Variants in NUBPL observed in about 807,000 individuals in gnomAD.
NUBPL encodes the protein iron-sulfur cluster transfer protein NUBPL.
NUBPL carries 31 observed loss-of-function variants against 45.7 expected under a neutral mutation model. The observed-to-expected ratio is 0.68, with a 90% CI of 0.51 to 0.92. The LOEUF (loss-of-function observed/expected upper bound fraction) is 0.92. Ranked by LOEUF, NUBPL falls within the 40% of genes least tolerant of loss-of-function variation. The pLI is 0.00. For missense variants in NUBPL, 401 were observed against 398.7 expected (o/e 1.01, Z -0.05); for synonymous variants, 144 against 140.9 (o/e 1.02, Z -0.15).
chr14:31,584,409 G>A (rs1279474490), intron 3 of NUBPL, among the ~76,000 whole-genome samples: 1 of 152,180 alleles, frequency 6.6e-6, no homozygotes, highest in East Asian at 1.9e-4. Context: ...ATAGGCATGA[G>A]CCATTGCACC....
intron 4 of NUBPL, among the ~76,000 whole-genome samples, chr14:31,658,800 C>G (rs1017382574): frequency 8.5e-5 from 13 of 152,198 alleles, no homozygotes; most frequent in African/African-American, 3.1e-4. Flanking sequence ...GTGTGCGCCA[C>G]TGTGCCTCCT....
chr14:31,606,099 C>CTTTTCT (rs568092264), intron 4 of NUBPL, among the ~76,000 whole-genome samples: 14 of 120,518 alleles, frequency 1.2e-4, no homozygotes, highest in African/African-American at 2.1e-4. Context: ...CTTTTCTTTT[C>CTTTTCT]TTTTTTTTTT....
chr14:31,707,598 C>G lies in NUBPL; in HGVS notation c.513+34024C>G, dbSNP rs575817024. ...GCAAACGCTGATGATTCCAGGGAAC[C>G]CTTGCAACTGTTTTAATGTCTTAGG... On this transcript the variant is annotated intron_variant, in intron 6 of 10. Transcript: ENST00000281081. Among the ~76,000 whole-genome samples the G allele has an allele frequency of 1.0e-3, 159 of 152,204 alleles. 1 individual carries two copies. The highest frequency in any genetic ancestry group is 3.7e-3 in the African/African-American group (153 of 41,538).
At chr14:31,757,524 A>G (rs2038696619) in intron 6 of NUBPL, among the ~76,000 whole-genome samples, 2 of 152,202 alleles carry the variant, frequency 1.3e-5, no homozygotes, top group African/African-American at 4.8e-5. Flanking sequence ...GGTAGTTTGT[A>G]TTTCTGTGGG....
intron 4 of NUBPL, among the ~76,000 whole-genome samples, chr14:31,627,730 C>T (rs538356300): frequency 6.5e-4 from 93 of 142,576 alleles, no homozygotes; most frequent in South Asian, 4.0e-3. Context: ...CGTGCCACTG[C>T]ACTCCAGCCT....
At chr14:31,806,932 C>T (rs947284758) in intron 7 of NUBPL, among the ~76,000 whole-genome samples, 11 of 152,164 alleles carry the variant, frequency 7.2e-5, no homozygotes, top group African/African-American at 1.7e-4. Flanking sequence ...TCATCCATGT[C>T]GCTACACAGG....
At chr14:31,703,243 T>A (rs1193797574) in intron 6 of NUBPL, 1 of 152,310 alleles carries the variant, frequency 6.6e-6, no homozygotes, top group Admixed American at 6.5e-5. Flanking sequence ...CTTTATAAAC[T>A]GGCATCTCGT....
intron 6 of NUBPL, among the ~76,000 whole-genome samples, chr14:31,679,157 G>A (rs1379393026): frequency 1.3e-5 from 2 of 152,314 alleles, no homozygotes. Flanking sequence ...CAGCTCTTGG[G>A]TGATGGGGAA....
chr14:31,645,163 T>G (rs2035810814), intron 4 of NUBPL, among the ~76,000 whole-genome samples: 1 of 151,950 alleles, frequency 6.6e-6, no homozygotes, highest in Non-Finnish European at 1.5e-5. Context: ...CCTCCCGGGT[T>G]CACGCCATTC....
intron 3 of NUBPL, among the ~76,000 whole-genome samples, chr14:31,579,073 C>CT (rs1345647609): frequency 6.6e-6 from 1 of 152,144 alleles, no homozygotes; most frequent in Non-Finnish European, 1.5e-5. Context: ...TGCTGTTTCA[C>CT]TTTTTTCTGA....
intron 4 of NUBPL, among the ~76,000 whole-genome samples, chr14:31,639,328 G>C (rs1006645905): frequency 5.3e-5 from 8 of 152,152 alleles, no homozygotes; most frequent in African/African-American, 1.9e-4. Flanking sequence ...CAGGTCTGTT[G>C]GAGTTTGCTA....
At chr14:31,697,922 T>A (rs1380519177) in intron 6 of NUBPL, among the ~76,000 whole-genome samples, 1 of 152,056 alleles carries the variant, frequency 6.6e-6, no homozygotes, top group Non-Finnish European at 1.5e-5. Flanking sequence ...GATCATGGGA[T>A]CAGAGTCAGA....
intron 6 of NUBPL, among the ~76,000 whole-genome samples, chr14:31,683,647 G>A (rs778415089): frequency 7.9e-5 from 12 of 152,060 alleles, no homozygotes; most frequent in Admixed American, 6.5e-4. Flanking sequence ...CACCGCGCCC[G>A]GCTGCCAAAA....
intron 4 of NUBPL, among the ~76,000 whole-genome samples, chr14:31,610,199 TAAAC>T (rs201667646): frequency 0.011 from 1,643 of 151,816 alleles, 31 homozygotes; most frequent in African/African-American, 0.036. Flanking sequence ...AGATTAAAAA[TAAAC>T]AAAATCAGAA....
intron 1 of NUBPL, 166 bp downstream of exon 1, chr14:31,561,713 G>A (rs1188574855): frequency 5.4e-6 from 3 of 550,600 alleles, no homozygotes; most frequent in Non-Finnish European, 9.3e-6. Context: ...GGCGTGGCGG[G>A]ACTTGAAACA....
At chr14:31,774,225 G>A (rs1210576548) in intron 6 of NUBPL, among the ~76,000 whole-genome samples, 1 of 152,180 alleles carries the variant, frequency 6.6e-6, no homozygotes, top group Non-Finnish European at 1.5e-5. Flanking sequence ...GAATAGAATG[G>A]CTGGGATATT....
At chr14:31,635,689 G>C (rs1422042581) in intron 4 of NUBPL, among the ~76,000 whole-genome samples, 3 of 150,132 alleles carry the variant, frequency 2.0e-5, no homozygotes, top group Non-Finnish European at 4.5e-5. Context: ...GCAGTATGGC[G>C]ATTTTCATGA....
intron 3 of NUBPL, among the ~76,000 whole-genome samples, chr14:31,586,559 A>G (rs1466839183): frequency 6.6e-6 from 1 of 152,230 alleles, no homozygotes; most frequent in Non-Finnish European, 1.5e-5. Flanking sequence ...TATGGTCACA[A>G]GATGGCTGCC....
intron 7 of NUBPL, among the ~76,000 whole-genome samples, chr14:31,805,770 G>A (rs2039672967): frequency 6.6e-6 from 1 of 151,996 alleles, no homozygotes; most frequent in Non-Finnish European, 1.5e-5. Context: ...AGGGTGGGAG[G>A]AAGGAGAGGA....
Sources: gnomAD v4.1 joint callset for allele counts (sites outside exome capture counted in the v4.1 genomes callset) on GRCh38, gnomAD v4.1.1 for gene constraint, MANE v1.5 for transcripts, NCBI Gene and HGNC (gene_info 2026-07-23, HGNC 2026-07-21) for gene names.